The following LARS1 variants were observed in gnomAD, a reference collection of about 807,000 sequenced individuals.
LARS1 encodes the protein leucyl-tRNA synthetase 1.
In LARS1, 100 loss-of-function variants were observed where a neutral mutation model predicts 162.8. That is an observed-to-expected ratio of 0.61 (90% CI 0.52 to 0.73). The LOEUF is 0.73. Ranked by LOEUF, LARS1 falls within the 30% of genes least tolerant of loss-of-function variation. The probability of loss-of-function intolerance (pLI) is 0.00; values close to 1 mark genes in which losing one functional copy is unlikely to be tolerated. For missense variants in LARS1, 1,258 were observed against 1,408.9 expected (o/e 0.89, Z 1.71); for synonymous variants, 457 against 462.8 (o/e 0.99, Z 0.16).
intron 21 of LARS1, among the ~76,000 whole-genome samples, chr5:146,139,438 G>GTCTCTCTTTT (rs777280119): frequency 9.2e-5 from 14 of 151,606 alleles, no homozygotes; most frequent in Non-Finnish European, 1.5e-4. Flanking sequence ...CCCTGTCTCT[G>GTCTCTCTTTT]TCTCTCTTTT....
At chr5:146,115,311 C>A (rs933318568) in intron 31 of LARS1, among the ~76,000 whole-genome samples, 4 of 151,912 alleles carry the variant, frequency 2.6e-5, no homozygotes, top group African/African-American at 9.7e-5. Flanking sequence ...CTGGAATACA[C>A]TAAACTTGCA....
chr5:146,177,522 C>T (rs940331617), intron 2 of LARS1, 25 bp downstream of exon 2: 14 of 682,740 alleles, frequency 2.1e-5, no homozygotes, highest in Admixed American at 4.6e-5. Context: ...ATACAATGTG[C>T]AGAACTTCAC....
intron 4 of LARS1, 31 bp downstream of exon 4, chr5:146,171,879 G>C: frequency 6.5e-7 from 1 of 1,537,790 alleles, no homozygotes; most frequent in South Asian, 1.2e-5. Flanking sequence ...CAACTAAAAA[G>C]AGTAGAAACC....
At chr5:146,156,551 T>C (rs1057239278) in intron 10 of LARS1, among the ~76,000 whole-genome samples, 2 of 151,858 alleles carry the variant, frequency 1.3e-5, no homozygotes, top group African/African-American at 4.8e-5. Context: ...AAAAATTAGC[T>C]GGGCGTGGTG....
chr5:146,160,271 A>G, intron 7 of LARS1, 103 bp downstream of exon 7: 2 of 567,890 alleles, frequency 3.5e-6, no homozygotes, highest in Non-Finnish European at 5.9e-6. Flanking sequence ...CCTGGCCTCA[A>G]GCAATCCCCT....
chr5:146,150,942 G>GACACACACACACACACAC lies in LARS1; in HGVS notation c.1425+902_1425+919dup, dbSNP rs3995492. ...AGACAGAGCAAGACTCCGTCAGATA[G>GACACACACACACACACAC]ACACACACACACACACACACACACA... On this transcript the variant is annotated intron_variant, in intron 14 of 31. Transcript: ENST00000394434. Among the ~76,000 whole-genome samples, 38 of 134,808 alleles carry GACACACACACACACACAC rather than the reference G, an allele frequency of 2.8e-4. 1 individual carries two copies. Among genetic ancestry groups the GACACACACACACACACAC allele is most frequent in the African/African-American group, 5.1e-4 (18 of 35,116 alleles). 88.4% of individuals were successfully genotyped at this position (134,808 alleles called of 152,430 possible).
At chr5:146,177,750 C>A in intron 1 of LARS1, 85 bp from the exon 2 acceptor site, 2 of 567,364 alleles carry the variant, frequency 3.5e-6, no homozygotes, top group South Asian at 2.2e-5. Context: ...CTGAGCTGCT[C>A]ACTGATAAAG....
intron 4 of LARS1, among the ~76,000 whole-genome samples, chr5:146,169,129 T>A (rs532209343): frequency 3.3e-5 from 5 of 151,762 alleles, no homozygotes; most frequent in South Asian, 2.1e-4. Context: ...GAAAGAAAGA[T>A]AGATTACTGT....
chr5:146,130,014 G>A lies in LARS1; in HGVS notation c.2628+4C>T, dbSNP rs1398680127. Reference sequence around the variant, plus strand: ...CTCGAAACATTTTAAATGCATGAAGGTACCTTTCCCAGGAGTGTCCAGATG... The same window carrying A: ...CTCGAAACATTTTAAATGCATGAAGATACCTTTCCCAGGAGTGTCCAGATG... On this transcript the variant is annotated splice_donor_region_variant and intron_variant, in intron 25 of 31. Transcript: ENST00000394434. 3 of 1,600,444 alleles carry A rather than the reference G, an allele frequency of 1.9e-6. No homozygotes were observed. The highest frequency in any genetic ancestry group is 2.2e-5 in the East Asian group (1 of 44,664).
chr5:146,151,861 C>T lies in LARS1; in HGVS notation c.1425+1G>A. 1 of 1,611,870 alleles carries T rather than the reference C, an allele frequency of 6.2e-7. No individual in the cohort carries two copies. Among genetic ancestry groups the T allele is most frequent in the Non-Finnish European group, 8.5e-7 (1 of 1,178,684 alleles). Reference sequence around the variant, plus strand: ...AAAAACTAAAAAAAATTATTACTTACACCCTCATAAAATCCTTTTAGATAT... The same window carrying T: ...AAAAACTAAAAAAAATTATTACTTATACCCTCATAAAATCCTTTTAGATAT... On this transcript the variant is annotated splice_donor_variant, in intron 14 of 31. Transcript: ENST00000394434. LOFTEE classifies it high-confidence loss of function.
Position 146,160,418 on chromosome 5 carries a change from T to G in LARS1, c.663A>C (p.Gln221His), listed in dbSNP as rs1482001752. ...NPYYDSFVRWQFLTLRERNKI... is the reference protein window; with the variant it reads ...NPYYDSFVRWHFLTLRERNKI... ...TGTTTCTTTCTCTTAATGTTAAAAA[T>G]TGCCATCTGACAAATGAATCATAGT... is the stretch of plus-strand genomic sequence containing the variant. Residue 221 changes from glutamine (Q) to histidine (H), a missense_variant, in exon 7 of 32, where the codon CAA becomes CAC. Coordinates refer to ENST00000394434, the MANE Select transcript of LARS1 (RefSeq NM_020117.11). 3.8e-6 allele frequency: 6 copies of G among 1,583,012 alleles called. No homozygotes were observed. Among genetic ancestry groups the G allele is most frequent in the East Asian group, 2.4e-5 (1 of 42,382 alleles).
At chr5:146,140,747 G>A (rs1403317953) in intron 20 of LARS1, among the ~76,000 whole-genome samples, 1 of 152,150 alleles carries the variant, frequency 6.6e-6, no homozygotes, top group Non-Finnish European at 1.5e-5. Context: ...GGAGGTTGCG[G>A]TAAGCCAAGA....
At chr5:146,136,517 G>A (rs1352552532) in intron 21 of LARS1, among the ~76,000 whole-genome samples, 2 of 142,536 alleles carry the variant, frequency 1.4e-5, no homozygotes, top group Non-Finnish European at 3.0e-5. Flanking sequence ...GTCTTGCTCT[G>A]TTACCCAGGC....
intron 21 of LARS1, chr5:146,138,239 A>G: frequency 5.3e-6 from 1 of 189,838 alleles, no homozygotes; most frequent in East Asian, 1.5e-4. Context: ...GCAGCAAACC[A>G]AACAAAACCA....
At position 146,113,739 on chromosome 5, in the gene LARS1, A is replaced by T. The variant is rs182725018; in HGVS notation, c.*367T>A. The T allele has an allele frequency of 2.4e-5, 4 of 168,524 alleles. No individual in the cohort carries two copies. In the East Asian group the frequency reaches 4.9e-4, roughly 20 times the overall value. 10.4% of individuals were successfully genotyped at this position (168,524 alleles called of 1,614,324 possible). On this transcript the variant is annotated 3_prime_UTR_variant, in exon 32 of 32. Coordinates refer to ENST00000394434, the MANE Select transcript of LARS1 (RefSeq NM_020117.11). The stretch of plus-strand genomic sequence containing the variant: ...AGCTAACTCCATAAATGAATATACT[A>T]TAAAAAGCTGTTAGGTACACCTTAG...
At chr5:146,143,679 A>T in intron 18 of LARS1, 129 bp from the exon 19 acceptor site, 1 of 825,280 alleles carries the variant, frequency 1.2e-6, no homozygotes, top group Non-Finnish European at 1.8e-6. Flanking sequence ...ATTCTTGAAT[A>T]ATTAATAAAA....
At chr5:146,176,416 C>A (rs150688638) in intron 2 of LARS1, among the ~76,000 whole-genome samples, 1,613 of 140,464 alleles carry the variant, frequency 0.011, 24 homozygotes, top group African/African-American at 0.036. Flanking sequence ...GGCGCCACTG[C>A]ACTCCAGCCT....
chr5:146,172,273 T>A (rs1359787894), intron 3 of LARS1, among the ~76,000 whole-genome samples: 1 of 152,150 alleles, frequency 6.6e-6, no homozygotes, highest in Non-Finnish European at 1.5e-5. Flanking sequence ...ATCCCAGCAC[T>A]TTCAGAGGCC....
chr5:146,157,293 T>G, intron 10 of LARS1, 110 bp downstream of exon 10: 2 of 886,748 alleles, frequency 2.3e-6, no homozygotes, highest in Non-Finnish European at 3.6e-6. Flanking sequence ...CACAGTTTAC[T>G]GCATGTACAC....
Sources: allele counts gnomAD v4.1 joint callset (sites outside exome capture counted in the v4.1 genomes callset), GRCh38; gene constraint gnomAD v4.1.1; transcripts MANE v1.5; gene names NCBI Gene and HGNC (gene_info 2026-07-23, HGNC 2026-07-21).